Variants in CABIN1 observed in about 807,000 individuals in gnomAD.
CABIN1 encodes the protein calcineurin binding protein 1.
In CABIN1, 133 loss-of-function variants were observed where a neutral mutation model predicts 227.7. The observed-to-expected ratio is 0.58, with a 90% CI of 0.51 to 0.67. The LOEUF (loss-of-function observed/expected upper bound fraction) is 0.67, where lower values mean the gene tolerates loss of function less well. CABIN1 is among the 30% of genes least tolerant of loss of function. The pLI, the probability that CABIN1 is intolerant of heterozygous loss-of-function variation, is 0.00. For synonymous variants in CABIN1, 1,086 were observed against 1,155.1 expected, an observed-to-expected ratio of 0.94 and a Z score of 1.21; for missense variants, 2,408 against 2,852.5, an observed-to-expected ratio of 0.84 and a Z score of 3.55.
At chr22:24,156,027 C>A in intron 29 of CABIN1, 1 of 572,604 alleles carries the variant, frequency 1.7e-6, no homozygotes, top group Non-Finnish European at 3.1e-6. Flanking sequence ...CGGCCATGGC[C>A]CGGCGCTCGC....
intron 29 of CABIN1, among the ~76,000 whole-genome samples, chr22:24,140,741 C>T (rs1319335216): frequency 6.6e-6 from 1 of 152,222 alleles, no homozygotes; most frequent in Non-Finnish European, 1.5e-5. Context: ...AGCTCAGGGC[C>T]AGGCTGGTAC....
intron 29 of CABIN1, chr22:24,162,097 C>G (rs1057486736): frequency 6.6e-6 from 1 of 152,260 alleles, no homozygotes; most frequent in African/African-American, 2.4e-5. Context: ...AGGCAGAAAG[C>G]CAGTTGGCTT....
Position 24,165,548 on chromosome 22 carries a change from T to A in CABIN1, c.4929T>A (p.Ala1643=), listed in dbSNP as rs758867245. The A allele has an allele frequency of 9.3e-6, 15 of 1,612,996 alleles. No homozygotes were observed. The highest frequency in any genetic ancestry group is 1.3e-5 in the Non-Finnish European group (15 of 1,179,984). The change falls in exon 31 of 37, where the codon GCT becomes GCA. Residue 1643 remains alanine (A), a synonymous_variant. Coordinates refer to ENST00000263119, the MANE Select transcript of CABIN1 (RefSeq NM_012295.4). ...PDQGKKYLRD[A]DRQVLAQRAF... ...ACCGCAGGAAGTATCTGCGAGATGC[T>A]GACCGCCAGGTCCTGGCGCAGCGGG... is the stretch of plus-strand genomic sequence containing the variant.
intron 27 of CABIN1, among the ~76,000 whole-genome samples, chr22:24,117,596 GTC>G (rs2043163156): frequency 6.6e-6 from 1 of 152,242 alleles, no homozygotes; most frequent in African/African-American, 2.4e-5. Flanking sequence ...GAGAATAGCT[GTC>G]TCTCTGAGAG....
At chr22:24,043,307 C>CTTTTTTTTTTTTT (rs745547509) in intron 6 of CABIN1, among the ~76,000 whole-genome samples, 4 of 71,126 alleles carry the variant, frequency 5.6e-5, no homozygotes, top group Admixed American at 1.6e-4. Flanking sequence ...AATGATTTTA[C>CTTTTTTTTTTTTT]TTTTTTTTTT....
rs1467333421 is a variant in CABIN1, at chr22:24,054,860, C to T, written c.807-13C>T. The T allele has an allele frequency of 6.2e-7, 1 of 1,613,986 alleles. No homozygotes were observed. The highest frequency in any genetic ancestry group is 8.5e-7 in the Non-Finnish European group (1 of 1,180,024). On this transcript the variant is annotated splice_polypyrimidine_tract_variant and intron_variant, in intron 8 of 36. Transcript: ENST00000263119. ...CAGGGTGGTGATCAGGTGTTGTGGC[C>T]CTCTCCCTTTAGCTGGAAGTGCCTC...
intron 29 of CABIN1, among the ~76,000 whole-genome samples, chr22:24,136,990 A>G (rs1279216503): frequency 6.6e-6 from 1 of 152,126 alleles, no homozygotes; most frequent in Non-Finnish European, 1.5e-5. Context: ...GGAGCTAGAC[A>G]AGTTGCTTAA....
At chr22:24,139,602 C>T (rs1463450549) in intron 29 of CABIN1, among the ~76,000 whole-genome samples, 3 of 151,934 alleles carry the variant, frequency 2.0e-5, no homozygotes, top group East Asian at 1.9e-4. Context: ...TGCTTTTTAG[C>T]GACTTTGCTT....
At chr22:24,030,476 G>A (rs1033765877) in intron 1 of CABIN1, among the ~76,000 whole-genome samples, 7 of 152,172 alleles carry the variant, frequency 4.6e-5, no homozygotes, top group Non-Finnish European at 8.8e-5. Flanking sequence ...TGTCTAGGAT[G>A]GACTGGAGAT....
At chr22:24,049,324 C>T in intron 7 of CABIN1, 104 bp downstream of exon 7, 1 of 1,425,812 alleles carries the variant, frequency 7.0e-7, no homozygotes, top group Non-Finnish European at 9.7e-7. Context: ...GATGGAGCCC[C>T]TGTGCTCTGG....
chr22:24,108,809 G>GC (rs983945070), intron 26 of CABIN1, among the ~76,000 whole-genome samples: 24 of 152,134 alleles, frequency 1.6e-4, no homozygotes, highest in African/African-American at 3.9e-4. Context: ...TGTCAATGTT[G>GC]CCCCCCCATC....
chr22:24,091,036 G>A (rs1334413687), intron 23 of CABIN1, among the ~76,000 whole-genome samples: 1 of 152,210 alleles, frequency 6.6e-6, no homozygotes, highest in African/African-American at 2.4e-5. Context: ...GGCTGGAGGT[G>A]CTTGCTGCAA....
intron 17 of CABIN1, 51 bp from the exon 18 acceptor site, chr22:24,072,303 A>C: frequency 6.2e-7 from 1 of 1,610,630 alleles, no homozygotes; most frequent in Non-Finnish European, 8.5e-7. Flanking sequence ...GTCTGCCCTG[A>C]AGGCTTACCC....
At chr22:24,148,466 T>G (rs2148442079) in intron 29 of CABIN1, among the ~76,000 whole-genome samples, 2 of 152,350 alleles carry the variant, frequency 1.3e-5, no homozygotes, top group Middle Eastern at 6.8e-3. Context: ...TAGGTGTGGC[T>G]GGGACTTGTA....
chr22:24,091,111 A>G (rs2041513236), intron 23 of CABIN1, among the ~76,000 whole-genome samples: 1 of 152,164 alleles, frequency 6.6e-6, no homozygotes, highest in South Asian at 2.1e-4. Context: ...CAAGTACTCC[A>G]CATCTGTCTT....
intron 18 of CABIN1, among the ~76,000 whole-genome samples, chr22:24,075,175 C>T (rs1315666708): frequency 6.6e-6 from 1 of 151,882 alleles, no homozygotes; most frequent in Non-Finnish European, 1.5e-5. Flanking sequence ...TGTACTCCAG[C>T]CTGGGCAAAA....
chr22:24,044,083 C>T (rs890718830), intron 6 of CABIN1, among the ~76,000 whole-genome samples: 2 of 152,150 alleles, frequency 1.3e-5, no homozygotes, highest in African/African-American at 4.8e-5. Context: ...CCTCATGGTA[C>T]GTGGGTGGAG....
intron 8 of CABIN1, 78 bp from the exon 9 acceptor site, chr22:24,054,795 A>G: frequency 6.3e-7 from 1 of 1,588,430 alleles, no homozygotes. Flanking sequence ...GCCTCTGTGC[A>G]GGCAGGCCAT....
In CABIN1 at chr22:24,055,148, G is replaced by A. The variant is rs749581794; in HGVS notation, c.1082G>A (p.Gly361Asp). 2 of 1,611,786 alleles carry A rather than the reference G, an allele frequency of 1.2e-6. No homozygotes were observed. Among genetic ancestry groups the A allele is most frequent in the Middle Eastern group, 1.7e-4 (1 of 6,060 alleles). The change falls in exon 9 of 37, where the codon GGC becomes GAC. Residue 361 changes from glycine to aspartate, a missense_variant. Transcript: ENST00000263119. ...PLHSPGLLETGAPVGDISGGD... is the reference protein window; with the variant it reads ...PLHSPGLLETDAPVGDISGGD... ...CACAGTCCTGGTCTGTTGGAGACAG[G>A]CGCTCCTGTGGGTAAGCAGGCCCCC... is the stretch of plus-strand genomic sequence containing the variant.
Sources: allele counts gnomAD v4.1 joint callset (sites outside exome capture counted in the v4.1 genomes callset), GRCh38; gene constraint gnomAD v4.1.1; transcripts MANE v1.5; gene names NCBI Gene and HGNC (gene_info 2026-07-23, HGNC 2026-07-21).